The following ATG7 variants were observed in gnomAD, a reference collection of about 807,000 sequenced individuals.
The protein encoded by ATG7 is ubiquitin-like modifier-activating enzyme ATG7.
ATG7 carries 70 observed loss-of-function variants against 82.4 expected under a neutral mutation model. The observed-to-expected ratio is 0.85, with a 90% CI of 0.70 to 1.04. ATG7 has a LOEUF of 1.04. Ranked by LOEUF, ATG7 falls within the 50% of genes least tolerant of loss-of-function variation. ATG7 has a pLI of 0.00. For synonymous variants in ATG7, 287 were observed against 313.0 expected (o/e 0.92, Z 0.88); for missense variants, 792 against 864.3 (o/e 0.92, Z 1.05).
At chr3:11,377,456 T>C (rs1163912814) in intron 18 of ATG7, among the ~76,000 whole-genome samples, 1 of 152,172 alleles carries the variant, frequency 6.6e-6, no homozygotes, top group Non-Finnish European at 1.5e-5. Context: ...GGTGTTGTTG[T>C]TTTTCTTCTC....
chr3:11,341,290 G>A (rs891872507), intron 12 of ATG7, among the ~76,000 whole-genome samples: 1 of 152,048 alleles, frequency 6.6e-6, no homozygotes, highest in Non-Finnish European at 1.5e-5. Context: ...TCGAACTCCT[G>A]ACCTCGTGAT....
the ATG7 span, among the ~76,000 whole-genome samples, chr3:11,573,312 GAAGGAAGAAAGAAAGAAAGAAAGAAAGA>G: frequency 7.2e-3 from 71 of 9,834 alleles, no homozygotes; most frequent in South Asian, 0.047. Flanking sequence ...AGAAAGGAAG[GAAGGAAGAAAGAAAGAAAGAAAGAAAGA>G]AAGAAAGAAA....
intron 3 of ATG7, among the ~76,000 whole-genome samples, chr3:11,283,460 T>C (rs1943411832): frequency 1.3e-5 from 2 of 152,168 alleles, no homozygotes; most frequent in African/African-American, 4.8e-5. Flanking sequence ...CCTGTCCTTA[T>C]CTTACACCTG....
chr3:11,511,371 G>A lies in ATG7; in HGVS notation c.2080-43440G>A, dbSNP rs9681654. On this transcript the variant is annotated intron_variant, in intron 20 of 20. Transcript: ENST00000693202. ...GTTAGATACAGAGTTTCGACACACA[G>A]GTTCTCCAAGGCCCCACCAGAGCAG... is the stretch of plus-strand genomic sequence containing the variant. Among the ~76,000 whole-genome samples, 1,372 of 152,322 alleles carry A rather than the reference G, an allele frequency of 9.0e-3. 17 individuals carry two copies. The highest frequency in any genetic ancestry group is 0.032 in the African/African-American group (1,316 of 41,574).
At chr3:11,381,700 G>T (rs148834604) in intron 19 of ATG7, among the ~76,000 whole-genome samples, 162 of 152,316 alleles carry the variant, frequency 1.1e-3, no homozygotes, top group African/African-American at 3.5e-3. Context: ...ACATAAACAT[G>T]TTGGACGATT....
At chr3:11,492,118 C>T (rs896406172) in intron 20 of ATG7, among the ~76,000 whole-genome samples, 25 of 152,208 alleles carry the variant, frequency 1.6e-4, no homozygotes, top group Admixed American at 3.9e-4. Context: ...AGTGAGACTC[C>T]GTGGTCATAG....
At chr3:11,531,482 C>A (rs965072208) in intron 20 of ATG7, among the ~76,000 whole-genome samples, 3 of 152,188 alleles carry the variant, frequency 2.0e-5, no homozygotes, top group Non-Finnish European at 1.5e-5. Flanking sequence ...TTAGGGTGCT[C>A]ACCTCTCTGT....
At chr3:11,521,838 C>T (rs1190891442) in intron 20 of ATG7, among the ~76,000 whole-genome samples, 1 of 151,902 alleles carries the variant, frequency 6.6e-6, no homozygotes, top group African/African-American at 2.4e-5. Flanking sequence ...AGGTGTGAGC[C>T]ACCACGCCCG....
chr3:11,469,988 C>CAAAA (rs10628540), intron 20 of ATG7, among the ~76,000 whole-genome samples: 10,826 of 86,968 alleles, frequency 0.12, 1,290 homozygotes, highest in South Asian at 0.19. Context: ...GACTCCATCT[C>CAAAA]AAAAAAAAAA....
intron 9 of ATG7, among the ~76,000 whole-genome samples, chr3:11,323,747 G>C (rs1242803996): frequency 6.6e-6 from 1 of 152,238 alleles, no homozygotes; most frequent in Non-Finnish European, 1.5e-5. Flanking sequence ...TATGCTGTTA[G>C]TTGGGCTCTT....
rs757962461 is a variant in ATG7 at position 11,431,389 on chromosome 3, GA to G, written c.2079+4470del. ...GCACTCCAGCCTGCAAGGGCGGGGGGAAAAAAACAACCACACACAACACACA... is the reference window on the plus strand; with the variant it reads ...GCACTCCAGCCTGCAAGGGCGGGGGGAAAAAACAACCACACACAACACACA... On this transcript the variant is annotated intron_variant, in intron 20 of 20. Transcript: ENST00000693202. 3.9e-3 allele frequency among the ~76,000 whole-genome samples: 593 copies of G among 152,182 alleles called. 4 individuals carry two copies. Among genetic ancestry groups the G allele is most frequent in the Non-Finnish European group, 5.6e-3 (382 of 68,000 alleles).
intron 20 of ATG7, among the ~76,000 whole-genome samples, chr3:11,432,873 A>G (rs1442935413): frequency 6.6e-6 from 1 of 151,862 alleles, no homozygotes; most frequent in Non-Finnish European, 1.5e-5. Context: ...ATAGATCCTG[A>G]CTCCCTATCC....
chr3:11,413,706 C>T (rs1196914354), intron 19 of ATG7, among the ~76,000 whole-genome samples: 1 of 152,142 alleles, frequency 6.6e-6, no homozygotes, highest in Non-Finnish European at 1.5e-5. Flanking sequence ...TCTCATAGTG[C>T]CTTTGTCTAG....
intron 18 of ATG7, among the ~76,000 whole-genome samples, chr3:11,379,769 G>A (rs1455301507): frequency 2.0e-5 from 3 of 152,152 alleles, no homozygotes; most frequent in Non-Finnish European, 4.4e-5. Flanking sequence ...GGCTCCTAAT[G>A]GAATAAAGGA....
chr3:11,338,547 G>A (rs1434012298), intron 11 of ATG7, among the ~76,000 whole-genome samples: 1 of 152,092 alleles, frequency 6.6e-6, no homozygotes, highest in Non-Finnish European at 1.5e-5. Context: ...GGGTATGGTG[G>A]CTCATGCCTG....
At chr3:11,552,895 T>TG (rs2071947584) in intron 20 of ATG7, among the ~76,000 whole-genome samples, 1 of 152,134 alleles carries the variant, frequency 6.6e-6, no homozygotes, top group Non-Finnish European at 1.5e-5. Context: ...GTAAAATGGA[T>TG]GATAAAATGG....
At chr3:11,337,244 G>T (rs1226532295) in intron 11 of ATG7, among the ~76,000 whole-genome samples, 1 of 152,126 alleles carries the variant, frequency 6.6e-6, no homozygotes. Context: ...CATGAGGTCA[G>T]GAGATTGAGA....
intron 20 of ATG7, among the ~76,000 whole-genome samples, chr3:11,522,260 C>A (rs1169457321): frequency 6.6e-6 from 1 of 152,106 alleles, no homozygotes; most frequent in Non-Finnish European, 1.5e-5. Flanking sequence ...GGTAAGTCAC[C>A]ACGCAGAGGC....
intron 9 of ATG7, among the ~76,000 whole-genome samples, chr3:11,329,649 AC>A (rs1951362970): frequency 6.6e-6 from 1 of 152,184 alleles, no homozygotes. Flanking sequence ...ATTAAAATAA[AC>A]TTTTTATTTT....
Sources: gnomAD v4.1 joint callset for allele counts (sites outside exome capture counted in the v4.1 genomes callset) on GRCh38, gnomAD v4.1.1 for gene constraint, MANE v1.5 for transcripts, NCBI Gene and HGNC (gene_info 2026-07-23, HGNC 2026-07-21) for gene names.